Variants in BFSP1 observed in about 807,000 individuals in gnomAD.
The protein encoded by BFSP1 is beaded filament structural protein 1, also known as filensin.
Under a neutral mutation model 43.9 loss-of-function variants are expected in BFSP1, and 38 were observed. That is an observed-to-expected ratio of 0.87 (90% CI 0.67 to 1.14). The LOEUF is 1.14. BFSP1 is among the 50% of genes most tolerant of loss of function. The pLI, the probability that BFSP1 is intolerant of heterozygous loss-of-function variation, is 0.00. For synonymous variants in BFSP1, 352 were observed against 354.8 expected (o/e 0.99, Z 0.09); for missense variants, 850 against 875.1 (o/e 0.97, Z 0.36).
chr20:17,498,888 C>T lies in BFSP1; in HGVS notation c.888G>A (p.Ala296=), dbSNP rs749513994. 12 of 1,613,956 alleles carry T rather than the reference C, an allele frequency of 7.4e-6. No individual in the cohort carries two copies. Among genetic ancestry groups the T allele is most frequent in the South Asian group, 3.3e-5 (3 of 91,078 alleles). The part of the protein sequence containing the change: ...EKSSYDCRQL[A]VAQQTLKNEL... Reference sequence around the variant, plus strand: ...CATTCTTCAGGGTTTGCTGGGCGACCGCCAGCTGCCGGCAGTCGTAAGAAG... The same window carrying T: ...CATTCTTCAGGGTTTGCTGGGCGACTGCCAGCTGCCGGCAGTCGTAAGAAG... The change falls in exon 6 of 8, where the codon GCG becomes GCA. Residue 296 remains alanine, a synonymous_variant. Transcript: ENST00000377873.
At chr20:17,531,770 G>A (rs1351177139), upstream of BFSP1, among the ~76,000 whole-genome samples, 1 of 151,898 alleles carries the variant, frequency 6.6e-6, no homozygotes, top group Admixed American at 6.6e-5. Flanking sequence ...AAACTCAATT[G>A]TAGAACTCTT....
At chr20:17,534,219 T>G (rs1179409850), upstream of BFSP1, among the ~76,000 whole-genome samples, 1 of 152,196 alleles carries the variant, frequency 6.6e-6, no homozygotes, top group Admixed American at 6.5e-5. Flanking sequence ...TGATGAAAGG[T>G]CAGCTATGGA....
rs996845074 is a variant in BFSP1, at chr20:17,526,173, G to A, written c.378-1265C>T. Reference sequence around the variant, plus strand: ...GGGGGGGGGGGGGCTGGTAAAATATGCATAACATAAAATTTACCAACTTAA... The same window carrying A: ...GGGGGGGGGGGGGCTGGTAAAATATACATAACATAAAATTTACCAACTTAA... On this transcript the variant is annotated intron_variant, in intron 1 of 7. Coordinates refer to ENST00000377873, the MANE Select transcript of BFSP1 (RefSeq NM_001195.5). Among the ~76,000 whole-genome samples, 21 of 94,082 alleles carry A rather than the reference G, an allele frequency of 2.2e-4. No individual in the cohort carries two copies. In the South Asian group the frequency reaches 8.6e-3, roughly 39 times the overall value. 61.7% of individuals were successfully genotyped at this position (94,082 alleles called of 152,430 possible).
intron 1 of BFSP1, among the ~76,000 whole-genome samples, chr20:17,528,820 C>T (rs1422328439): frequency 6.6e-6 from 1 of 152,260 alleles, no homozygotes; most frequent in South Asian, 2.1e-4. Context: ...CAGAACACAA[C>T]AATGAATAAC....
chr20:17,509,574 C>A (rs2034026346), intron 4 of BFSP1, among the ~76,000 whole-genome samples: 1 of 145,508 alleles, frequency 6.9e-6, no homozygotes, highest in South Asian at 2.1e-4. Flanking sequence ...GTGCCATGAA[C>A]CTACTAAGAG....
rs1415571175 is a variant in BFSP1 at position 17,494,864 on chromosome 20, A to G, written c.1208T>C (p.Val403Ala). 2 of 1,614,206 alleles carry G rather than the reference A, an allele frequency of 1.2e-6. No homozygotes were observed. Among genetic ancestry groups the G allele is most frequent in the East Asian group, 2.2e-5 (1 of 44,884 alleles). ...GLEDTKLVQV[V>A]LKEESESKFE... ...CTTAGATTCACTTTCCTCTTTAAGTACCACCTGTACCAGCTTTGTGTCTTC... is the reference window on the plus strand; with the variant it reads ...CTTAGATTCACTTTCCTCTTTAAGTGCCACCTGTACCAGCTTTGTGTCTTC... The change falls in exon 8 of 8, where the codon GTA becomes GCA. Residue 403 changes from valine (V) to alanine (A), a missense_variant. Val to Ala is a moderately conservative substitution (Grantham distance 64). Coordinates refer to ENST00000377873, the MANE Select transcript of BFSP1 (RefSeq NM_001195.5).
Position 17,498,853 on chromosome 20 carries a change from C to T in BFSP1, c.923G>A (p.Arg308Gln), listed in dbSNP as rs766607722. The T allele has an allele frequency of 3.3e-5, 53 of 1,613,288 alleles. No homozygotes were observed. The highest frequency in any genetic ancestry group is 3.9e-5 in the Non-Finnish European group (46 of 1,180,034). ...TTCAATCTCGATGATACGATGATACCGGTCCAGCTCATTCTTCAGGGTTTG... is the reference window on the plus strand; with the variant it reads ...TTCAATCTCGATGATACGATGATACTGGTCCAGCTCATTCTTCAGGGTTTG... ...AQQTLKNELD[R>Q]YHRIIEIEGN... Residue 308 changes from arginine (R) to glutamine (Q), a missense_variant, in exon 6 of 8, where the codon CGG (arginine) becomes CAG (glutamine). Transcript: ENST00000377873.
rs777751273 is a variant in BFSP1, at chr20:17,530,988, G to A, written c.342C>T (p.Thr114=). Residue 114 remains threonine, a synonymous_variant, in exon 1 of 8, where the codon ACC becomes ACT. Coordinates refer to ENST00000377873, the MANE Select transcript of BFSP1 (RefSeq NM_001195.5). ...ACTCGTCGAGCGCGCGCTGCGCCTCGGTGCCCTGGCGCTCCAGCCGGGCGC... is the reference window on the plus strand; with the variant it reads ...ACTCGTCGAGCGCGCGCTGCGCCTCAGTGCCCTGGCGCTCCAGCCGGGCGC... ...AERARLERQG[T]EAQRALDEFR... 1 of 1,437,890 alleles carries A rather than the reference G, an allele frequency of 7.0e-7. No homozygotes were observed. The highest frequency in any genetic ancestry group is 3.1e-5 in the East Asian group (1 of 32,786). 89.1% of individuals were successfully genotyped at this position (1,437,890 alleles called of 1,614,324 possible). A position where few individuals can be genotyped will look rare whatever the true frequency, so the allele number is the denominator to read the frequency against.
chr20:17,542,105 A>G (rs1025285269), intron 1 of BFSP1, among the ~76,000 whole-genome samples: 13 of 152,160 alleles, frequency 8.5e-5, no homozygotes, highest in African/African-American at 3.1e-4. Context: ...CATTTGGGGC[A>G]CTTGCTGGCT....
chr20:17,554,885 G>T (rs2034964185), intron 1 of BFSP1, among the ~76,000 whole-genome samples: 1 of 152,142 alleles, frequency 6.6e-6, no homozygotes, highest in Non-Finnish European at 1.5e-5. Flanking sequence ...AAGATGGCTG[G>T]CTATAAGACT....
intron 1 of BFSP1, among the ~76,000 whole-genome samples, chr20:17,538,043 C>A (rs1397092707): frequency 6.6e-6 from 1 of 151,772 alleles, no homozygotes; most frequent in Non-Finnish European, 1.5e-5. Flanking sequence ...ATCACTTGAG[C>A]CTGGGAGGCA....
intron 1 of BFSP1, chr20:17,565,775 T>C (rs2035111458): frequency 6.6e-6 from 1 of 152,212 alleles, no homozygotes; most frequent in African/African-American, 2.4e-5. Flanking sequence ...TTTGAATCTT[T>C]TACAATAAAA....
intron 1 of BFSP1, among the ~76,000 whole-genome samples, chr20:17,553,824 C>T (rs6034845): frequency 0.1 from 7,535 of 72,648 alleles, 493 homozygotes; most frequent in African/African-American, 0.13. Flanking sequence ...CACACACACA[C>T]ATATATATAT....
intron 1 of BFSP1, among the ~76,000 whole-genome samples, chr20:17,547,505 A>G (rs1265995217): frequency 6.6e-6 from 1 of 152,164 alleles, no homozygotes; most frequent in Non-Finnish European, 1.5e-5. Flanking sequence ...GAAGACATAA[A>G]CTTTAACCAT....
In BFSP1 at chr20:17,519,850, G is replaced by A. The variant is rs370876487; in HGVS notation, c.438+4998C>T. Among the ~76,000 whole-genome samples, 108 of 152,324 alleles carry A rather than the reference G, an allele frequency of 7.1e-4. 1 individual carries two copies. Among genetic ancestry groups the A allele is most frequent in the African/African-American group, 2.5e-3 (104 of 41,580 alleles). On this transcript the variant is annotated intron_variant, in intron 2 of 7. Transcript: ENST00000377873. ...GGGCCCACTGGAATGTACAGCTGCT[G>A]ATACGCTGAGGAAAATTTGTTTTGG... is the stretch of plus-strand genomic sequence containing the variant.
At chr20:17,536,560 A>G (rs1269298751) in intron 1 of BFSP1, among the ~76,000 whole-genome samples, 1 of 152,268 alleles carries the variant, frequency 6.6e-6, no homozygotes, top group Non-Finnish European at 1.5e-5. Flanking sequence ...AGTTATTTAA[A>G]TGTAAAATAC....
At chr20:17,568,189 G>A (rs902054905) in intron 1 of BFSP1, among the ~76,000 whole-genome samples, 2 of 152,084 alleles carry the variant, frequency 1.3e-5, no homozygotes, top group African/African-American at 2.4e-5. Context: ...AGAGGCAGAC[G>A]GGCCAGACTG....
At position 17,564,607 on chromosome 20, in the gene BFSP1, GAGA is replaced by G. The variant is rs571602992; in HGVS notation, n.51-1515_51-1513del. ...CTACTTCTTCTTCTTCTTTTTTTTT[GAGA>G]AGGAGTCTTGCTCTGTCACCCAGGC... On this transcript the variant is annotated intron_variant and non_coding_transcript_variant, in intron 1 of 6. Coordinates refer to the BFSP1 transcript ENST00000473415. Among the ~76,000 whole-genome samples the G allele has an allele frequency of 1.2e-4, 18 of 149,878 alleles. No individual in the cohort carries two copies. The South Asian group carries it at 2.5e-3, about 21-fold the overall frequency.
intron 2 of BFSP1, among the ~76,000 whole-genome samples, chr20:17,522,462 CT>C (rs967608163): frequency 3.9e-5 from 6 of 152,240 alleles, no homozygotes; most frequent in Admixed American, 3.9e-4. Context: ...CAAGGACCAC[CT>C]GCATCTTATT....
Sources: gnomAD v4.1 joint callset for allele counts (sites outside exome capture counted in the v4.1 genomes callset) on GRCh38, gnomAD v4.1.1 for gene constraint, MANE v1.5 for transcripts, NCBI Gene and HGNC (gene_info 2026-07-23, HGNC 2026-07-21) for gene names.